Variants in TFDP2 observed in about 807,000 individuals in gnomAD.
The protein encoded by TFDP2 is transcription factor Dp-2.
A neutral mutation model predicts 59.3 loss-of-function variants in TFDP2; 17 were observed. The ratio of observed to expected loss-of-function variants is 0.29; its 90% CI spans 0.20 to 0.43. The LOEUF (loss-of-function observed/expected upper bound fraction) is 0.43. Among genes scored for constraint, TFDP2 ranks in the 20% least tolerant of loss-of-function variants. The pLI is 1.00. For missense variants in TFDP2, 391 were observed against 528.8 expected (o/e 0.74, Z 2.56); for synonymous variants, 180 against 194.7 (o/e 0.92, Z 0.63).
Position 141,987,881 on chromosome 3 carries a change from G to A in TFDP2, c.356+5657C>T, listed in dbSNP as rs1194889464. ...TTAAACTCAGGAGGCAGTGGTTGCA[G>A]TGGGCTGAGATTGTGCCACTGCACT... On this transcript the variant is annotated intron_variant, in intron 6 of 12. Coordinates refer to ENST00000489671, the MANE Select transcript of TFDP2 (RefSeq NM_001178139.2). Among the ~76,000 whole-genome samples, 9 of 150,942 alleles carry A rather than the reference G, an allele frequency of 6.0e-5. No homozygotes were observed. In the East Asian group the frequency reaches 1.6e-3, roughly 26 times the overall value.
intron 9 of TFDP2, among the ~76,000 whole-genome samples, chr3:141,966,863 G>A (rs1425307791): frequency 6.8e-6 from 1 of 146,162 alleles, no homozygotes; most frequent in Non-Finnish European, 1.5e-5. Context: ...GTTGTGACAT[G>A]AGCTTATAAA....
intron 11 of TFDP2, among the ~76,000 whole-genome samples, chr3:141,954,190 T>C (rs962313214): frequency 6.6e-6 from 1 of 151,568 alleles, no homozygotes; most frequent in African/African-American, 2.4e-5. Context: ...GAAAAGAAAA[T>C]ATTTTGGATA....
intron 1 of TFDP2, among the ~76,000 whole-genome samples, chr3:142,139,045 G>A (rs2062837477): frequency 6.6e-6 from 1 of 152,176 alleles, no homozygotes; most frequent in Non-Finnish European, 1.5e-5. Flanking sequence ...GAATCTGGGT[G>A]CTCCTATATT....
Position 141,951,418 on chromosome 3 carries a change from G to A in TFDP2, c.*1095C>T, listed in dbSNP as rs906718765. ...GAAACACTAAATATTGGATTAGTTT[G>A]AAATGCAATTGACCCCAGGAGTAGG... On this transcript the variant is annotated 3_prime_UTR_variant, in exon 13 of 13. Transcript: ENST00000489671. The A allele has an allele frequency of 6.6e-6, 1 of 152,448 alleles. No individual in the cohort carries two copies. Among genetic ancestry groups the A allele is most frequent in the Non-Finnish European group, 1.5e-5 (1 of 68,040 alleles). 9.4% of individuals were successfully genotyped at this position (152,448 alleles called of 1,614,324 possible). A position where few individuals can be genotyped will look rare whatever the true frequency, so the allele number is the denominator to read the frequency against.
At chr3:141,999,318 T>A (rs1045074485) in intron 4 of TFDP2, among the ~76,000 whole-genome samples, 12 of 152,252 alleles carry the variant, frequency 7.9e-5, no homozygotes, top group African/African-American at 2.9e-4. Flanking sequence ...TATTAACATA[T>A]GAAATAACAT....
At chr3:142,085,340 A>ATATCTATATCAAATAT (rs534547351) in intron 3 of TFDP2, among the ~76,000 whole-genome samples, 3,146 of 152,262 alleles carry the variant, frequency 0.021, 96 homozygotes, top group African/African-American at 0.072. Flanking sequence ...ACATTTGATA[A>ATATCTATATCAAATAT]AGTATGACTA....
intron 1 of TFDP2, among the ~76,000 whole-genome samples, chr3:142,122,546 T>C (rs142121702): frequency 3.1e-4 from 47 of 152,202 alleles, no homozygotes; most frequent in African/African-American, 1.1e-3. Flanking sequence ...GGCAGCAGGA[T>C]TGGACTTAGG....
At position 141,945,781 on chromosome 3, in the gene TFDP2, A is replaced by T. The variant is rs1419600631; in HGVS notation, c.*6732T>A. ...GGTAAGTGACAAATGGCATGCATTG[A>T]AGCACGACAAGGGATGAGTTTTTAA... On this transcript the variant is annotated 3_prime_UTR_variant, in exon 13 of 13. Coordinates refer to ENST00000489671, the MANE Select transcript of TFDP2 (RefSeq NM_001178139.2). 1.3e-5 allele frequency: 2 copies of T among 152,240 alleles called. No individual in the cohort carries two copies. Among genetic ancestry groups the T allele is most frequent in the African/African-American group, 4.8e-5 (2 of 41,458 alleles). 9.4% of individuals were successfully genotyped at this position (152,240 alleles called of 1,614,324 possible). A position where few individuals can be genotyped will look rare whatever the true frequency, so the allele number is the denominator to read the frequency against.
intron 3 of TFDP2, among the ~76,000 whole-genome samples, chr3:142,067,553 T>C (rs2060112451): frequency 6.6e-6 from 1 of 152,238 alleles, no homozygotes; most frequent in African/African-American, 2.4e-5. Context: ...ATTCTCAACT[T>C]GATGTACAGA....
intron 3 of TFDP2, among the ~76,000 whole-genome samples, chr3:142,068,181 G>A: frequency 6.6e-6 from 1 of 152,012 alleles, no homozygotes; most frequent in East Asian, 1.9e-4. Context: ...ATGGAGAAAA[G>A]AGAGTCTTTT....
chr3:142,009,974 TATA>T (rs1944527170), intron 3 of TFDP2, among the ~76,000 whole-genome samples: 1 of 151,470 alleles, frequency 6.6e-6, no homozygotes, highest in South Asian at 2.1e-4. Flanking sequence ...GAAGAAAAAA[TATA>T]ATAATATTTT....
intron 3 of TFDP2, among the ~76,000 whole-genome samples, chr3:142,017,153 C>A (rs1486482229): frequency 6.6e-6 from 1 of 152,202 alleles, no homozygotes; most frequent in Non-Finnish European, 1.5e-5. Context: ...ATTTACTATA[C>A]TTTATTTTTC....
intron 6 of TFDP2, among the ~76,000 whole-genome samples, chr3:141,980,824 C>T (rs1277254187): frequency 6.6e-6 from 1 of 152,218 alleles, no homozygotes; most frequent in African/African-American, 2.4e-5. Flanking sequence ...ATGTGAACCA[C>T]TGCTCCTGGC....
intron 2 of TFDP2, among the ~76,000 whole-genome samples, chr3:142,100,696 C>T (rs2061293616): frequency 6.7e-6 from 1 of 150,236 alleles, no homozygotes; most frequent in Admixed American, 6.6e-5. Context: ...TTCTTCACAC[C>T]TCTCTCTGAA....
intron 11 of TFDP2, among the ~76,000 whole-genome samples, chr3:141,958,081 C>A (rs970341152): frequency 6.6e-6 from 1 of 151,960 alleles, no homozygotes; most frequent in Non-Finnish European, 1.5e-5. Context: ...TTGGTAAAAT[C>A]AAATTGAAAA....
chr3:142,027,361 A>T (rs963276213), intron 3 of TFDP2, among the ~76,000 whole-genome samples: 2 of 152,050 alleles, frequency 1.3e-5, no homozygotes, highest in African/African-American at 4.8e-5. Context: ...TCCTCTCTCC[A>T]TTCCAGCTAC....
rs1255060417 is a variant in TFDP2, at chr3:141,946,615, G to A, written c.*5898C>T. On this transcript the variant is annotated 3_prime_UTR_variant, in exon 13 of 13. Coordinates refer to ENST00000489671, the MANE Select transcript of TFDP2 (RefSeq NM_001178139.2). ...TTTAGCATACTGTGGAGTGAGACAT[G>A]TGGGAAAATCGGATCCCAGAGATTA... is the stretch of plus-strand genomic sequence containing the variant. The A allele has an allele frequency of 2.0e-5, 3 of 152,228 alleles. No homozygotes were observed. The highest frequency in any genetic ancestry group is 6.5e-5 in the Admixed American group (1 of 15,282). 9.4% of individuals were successfully genotyped at this position (152,228 alleles called of 1,614,324 possible).
intron 9 of TFDP2, 89 bp downstream of exon 9, chr3:141,969,984 A>C: frequency 7.7e-7 from 1 of 1,302,692 alleles, no homozygotes; most frequent in Non-Finnish European, 1.1e-6. Flanking sequence ...CACACCACTC[A>C]GAGGCACCAC....
chr3:142,007,229 CT>C (rs970244604), intron 3 of TFDP2, among the ~76,000 whole-genome samples: 165 of 152,298 alleles, frequency 1.1e-3, no homozygotes, highest in African/African-American at 3.7e-3. Flanking sequence ...AATTTTCCCC[CT>C]AATTCCACAT....
Sources: gnomAD v4.1 joint callset for allele counts (sites outside exome capture counted in the v4.1 genomes callset) on GRCh38, gnomAD v4.1.1 for gene constraint, MANE v1.5 for transcripts, NCBI Gene and HGNC (gene_info 2026-07-23, HGNC 2026-07-21) for gene names.